NELL2: variants seen among roughly 807,000 people sequenced by gnomAD.
NELL2 encodes neural EGFL like 2, also known as protein kinase C-binding protein NELL2.
A neutral mutation model predicts 109.6 loss-of-function variants in NELL2; 41 were observed. The observed-to-expected ratio is 0.37, with a 90% CI of 0.29 to 0.49. The LOEUF (loss-of-function observed/expected upper bound fraction) is 0.49, where lower values mean the gene tolerates loss of function less well. Ranked by LOEUF, NELL2 falls within the 20% of genes least tolerant of loss-of-function variation. The pLI is 0.98. For missense variants in NELL2, 900 were observed against 1,008.3 expected, an observed-to-expected ratio of 0.89 and a Z score of 1.45; for synonymous variants, 355 against 344.7, an observed-to-expected ratio of 1.03 and a Z score of -0.33.
rs901105132 is a variant in NELL2 at position 44,887,366 on chromosome 12, G to A, written c.39-11466C>T. 5.3e-5 allele frequency among the ~76,000 whole-genome samples: 8 copies of A among 151,836 alleles called. 1 individual carries two copies. Among genetic ancestry groups the A allele is most frequent in the African/African-American group, 7.3e-5 (3 of 41,206 alleles). The stretch of plus-strand genomic sequence containing the variant: ...CTCCATACTTTTCTCAAAAGTGGCC[G>A]TAGTAATTTACATTTCCACCAAGAG... On this transcript the variant is annotated intron_variant, in intron 1 of 20. Coordinates refer to the NELL2 transcript ENST00000333837.
intron 15 of NELL2, among the ~76,000 whole-genome samples, chr12:44,552,310 C>G (rs12297797): frequency 0.1 from 15,922 of 151,984 alleles, 2,797 homozygotes; most frequent in African/African-American, 0.36. Flanking sequence ...TGAATAACAT[C>G]CTTGTAACCT....
intron 15 of NELL2, among the ~76,000 whole-genome samples, chr12:44,567,015 T>A (rs1943687786): frequency 6.6e-6 from 1 of 152,104 alleles, no homozygotes; most frequent in African/African-American, 2.4e-5. Flanking sequence ...TTTCACCATG[T>A]TGGTCAGGCT....
intron 15 of NELL2, among the ~76,000 whole-genome samples, chr12:44,599,357 T>A (rs1041122916): frequency 8.0e-5 from 12 of 149,964 alleles, no homozygotes; most frequent in Non-Finnish European, 1.5e-4. Flanking sequence ...AAAGAAGGAA[T>A]CAAAACCACA....
At chr12:44,749,941 G>A (rs923165517) in intron 9 of NELL2, among the ~76,000 whole-genome samples, 8 of 151,684 alleles carry the variant, frequency 5.3e-5, no homozygotes, top group Non-Finnish European at 1.0e-4. Context: ...TTACGAGCAG[G>A]AGAAGAAATA....
chr12:44,871,454 A>G (rs1460357696), intron 2 of NELL2, among the ~76,000 whole-genome samples: 1 of 152,246 alleles, frequency 6.6e-6, no homozygotes, highest in Admixed American at 6.5e-5. Context: ...CTTAATTGTC[A>G]TAACAATGAT....
At chr12:44,744,686 T>C (rs958059090) in intron 9 of NELL2, among the ~76,000 whole-genome samples, 3 of 152,068 alleles carry the variant, frequency 2.0e-5, no homozygotes, top group African/African-American at 7.2e-5. Context: ...TCTACGCAAA[T>C]AAACTAGAAA....
intron 14 of NELL2, among the ~76,000 whole-genome samples, chr12:44,609,429 C>G (rs753825474): frequency 1.3e-5 from 2 of 152,054 alleles, no homozygotes; most frequent in Non-Finnish European, 2.9e-5. Context: ...TCATGCTACT[C>G]AGAATGGTGC....
chr12:44,707,639 G>A (rs1369788466), intron 11 of NELL2, among the ~76,000 whole-genome samples: 1 of 152,092 alleles, frequency 6.6e-6, no homozygotes, highest in African/African-American at 2.4e-5. Context: ...TGTAACTCAT[G>A]TACGTGGATG....
chr12:44,839,710 C>T (rs919235730), intron 2 of NELL2, among the ~76,000 whole-genome samples: 2 of 152,132 alleles, frequency 1.3e-5, no homozygotes, highest in Non-Finnish European at 2.9e-5. Context: ...TCAAGTTTGC[C>T]GTCAAGGCGA....
At chr12:44,593,713 C>T (rs1345658080) in intron 15 of NELL2, among the ~76,000 whole-genome samples, 1 of 152,166 alleles carries the variant, frequency 6.6e-6, no homozygotes, top group African/African-American at 2.4e-5. Context: ...ACACTCCCAT[C>T]AACAGTGTAA....
chr12:44,543,329 T>C (rs181519955), intron 15 of NELL2, among the ~76,000 whole-genome samples: 235 of 152,308 alleles, frequency 1.5e-3, no homozygotes, highest in African/African-American at 5.4e-3. Context: ...CAAATATATC[T>C]AGAATCTACT....
intron 3 of NELL2, among the ~76,000 whole-genome samples, chr12:44,798,467 ATC>A (rs1235489277): frequency 1.3e-5 from 2 of 152,128 alleles, no homozygotes; most frequent in Non-Finnish European, 2.9e-5. Flanking sequence ...AATATCAAAT[ATC>A]CAGGAATTAA....
In NELL2 at chr12:44,815,592, T is replaced by C. The variant is rs113437487; in HGVS notation, c.335+394A>G. On this transcript the variant is annotated intron_variant, in intron 3 of 19. Transcript: ENST00000429094. The stretch of plus-strand genomic sequence containing the variant: ...ACCTGTGTTTGTGATTTTTGTATAA[T>C]GTAACAAAACCATTCTATCTTAAAC... Among the ~76,000 whole-genome samples, 1,503 of 152,346 alleles carry C rather than the reference T, an allele frequency of 9.9e-3. 29 individuals carry two copies. The highest frequency in any genetic ancestry group is 0.034 in the African/African-American group (1,408 of 41,584).
intron 12 of NELL2, 142 bp downstream of exon 12, chr12:44,703,584 T>A: frequency 1.2e-6 from 1 of 823,452 alleles, no homozygotes; most frequent in Non-Finnish European, 1.9e-6. Context: ...GATAATTATT[T>A]TTAGCTGATT....
Position 44,875,994 on chromosome 12 carries a change from A to G in NELL2, c.-125T>C. The G allele has an allele frequency of 5.2e-6, 8 of 1,552,062 alleles. No individual in the cohort carries two copies. Among genetic ancestry groups the G allele is most frequent in the East Asian group, 2.4e-5 (1 of 41,906 alleles). The stretch of plus-strand genomic sequence containing the variant: ...TGCTGCTGCCTCGGATTTACTGATC[A>G]GTAGGATTAATACGCTTTGGTTGCC... On this transcript the variant is annotated 5_prime_UTR_variant, in exon 1 of 20. Transcript: ENST00000429094.
chr12:44,747,729 T>C (rs1056842713), intron 9 of NELL2, among the ~76,000 whole-genome samples: 7 of 152,144 alleles, frequency 4.6e-5, no homozygotes, highest in African/African-American at 1.7e-4. Context: ...ATCAGTTTTA[T>C]CTATTACCCA....
chr12:44,799,763 C>G (rs1942769033), intron 3 of NELL2, among the ~76,000 whole-genome samples: 1 of 151,834 alleles, frequency 6.6e-6, no homozygotes, highest in African/African-American at 2.4e-5. Flanking sequence ...ACATTTTATT[C>G]CAAGGCATTT....
At chr12:44,820,313 A>G (rs1964487) in intron 2 of NELL2, among the ~76,000 whole-genome samples, 150,480 of 152,332 alleles carry the variant, frequency 0.99, 74,369 homozygotes, top group East Asian at 1. Flanking sequence ...GATATACGTA[A>G]AAAGTAGAAT....
intron 9 of NELL2, among the ~76,000 whole-genome samples, chr12:44,763,820 T>G (rs1941220045): frequency 2.6e-5 from 4 of 152,286 alleles, no homozygotes; most frequent in Admixed American, 2.6e-4. Context: ...CCTAAATTTT[T>G]CTAATGCTGT....
Sources: allele counts gnomAD v4.1 joint callset (sites outside exome capture counted in the v4.1 genomes callset), GRCh38; gene constraint gnomAD v4.1.1; transcripts MANE v1.5; gene names NCBI Gene and HGNC (gene_info 2026-07-23, HGNC 2026-07-21).